Variants in PTPRA observed in about 807,000 individuals in gnomAD.
PTPRA encodes the protein protein tyrosine phosphatase receptor type A.
Under a neutral mutation model 104.8 loss-of-function variants are expected in PTPRA, and 25 were observed. The observed-to-expected ratio is 0.24, with a 90% CI of 0.17 to 0.33. The LOEUF (loss-of-function observed/expected upper bound fraction) is 0.33, where lower values mean the gene tolerates loss of function less well. PTPRA is among the 10% of genes least tolerant of loss of function. PTPRA has a pLI of 1.00. For synonymous variants in PTPRA, 323 were observed against 368.9 expected (o/e 0.88, Z 1.43); for missense variants, 765 against 1,015.3 (o/e 0.75, Z 3.35).
intron 2 of PTPRA, among the ~76,000 whole-genome samples, chr20:2,939,844 C>T (rs894327621): frequency 2.0e-5 from 3 of 152,158 alleles, no homozygotes; most frequent in African/African-American, 4.8e-5. Context: ...CGGTGGCTGA[C>T]GCCTACAATC....
At chr20:2,890,661 G>A (rs1187709038) in intron 1 of PTPRA, among the ~76,000 whole-genome samples, 1 of 152,098 alleles carries the variant, frequency 6.6e-6, no homozygotes, top group Non-Finnish European at 1.5e-5. Flanking sequence ...AGAGGGAAGA[G>A]AGAAAAAAGC....
At chr20:3,020,667 G>A (rs545148770) in intron 13 of PTPRA, among the ~76,000 whole-genome samples, 29 of 152,334 alleles carry the variant, frequency 1.9e-4, no homozygotes, top group African/African-American at 6.7e-4. Context: ...TCCTGGGGTC[G>A]AGCCCCAGCG....
At position 2,940,790 on chromosome 20, in the gene PTPRA, G is replaced by A. The variant is rs141503052; in HGVS notation, c.-49-7192G>A. On this transcript the variant is annotated intron_variant, in intron 2 of 23. Coordinates refer to ENST00000399903, the MANE Select transcript of PTPRA (RefSeq NM_001385305.1). ...TATATTGTCTGTGGCTGCCTTCATG[G>A]TACGACAGCAGAGTTGAGTAGTTGA... Among the ~76,000 whole-genome samples, 658 of 152,300 alleles carry A rather than the reference G, an allele frequency of 4.3e-3. 9 individuals carry two copies. The highest frequency in any genetic ancestry group is 0.015 in the African/African-American group (624 of 41,544).
At chr20:2,952,125 A>T (rs1435588993) in intron 3 of PTPRA, among the ~76,000 whole-genome samples, 1 of 145,428 alleles carries the variant, frequency 6.9e-6, no homozygotes, top group Non-Finnish European at 1.5e-5. Flanking sequence ...TCTCAAAAAA[A>T]GAAAAAAAAA....
chr20:2,874,101 T>C (rs1297070968), intron 1 of PTPRA, among the ~76,000 whole-genome samples: 1 of 151,976 alleles, frequency 6.6e-6, no homozygotes, highest in African/African-American at 2.4e-5. Flanking sequence ...TCAGGTCCAT[T>C]TAATGGGAGG....
At chr20:2,988,644 A>C (rs2063009080) in intron 9 of PTPRA, among the ~76,000 whole-genome samples, 170 bp downstream of exon 9, 1 of 152,230 alleles carries the variant, frequency 6.6e-6, no homozygotes, top group Admixed American at 6.5e-5. Context: ...ATAGGAAATG[A>C]AGTGAGATTT....
chr20:2,864,427 C>G, the PTPRA span: 1 of 1,614,144 alleles, frequency 6.2e-7, no homozygotes, highest in South Asian at 1.1e-5. The surrounding 1 kb of genome is among the most constrained non-coding windows in gnomAD (Gnocchi z 5.2). Context: ...CATGACCCTT[C>G]GGAATCAGCC....
rs554173288 is a variant in PTPRA at position 3,037,790 on chromosome 20, CTGTCTCCCAGCCCAGCACA to C, written c.2335-266_2335-248del. ...TAAGCGTGGGCCATGCTCAGCTGCA[CTGTCTCCCAGCCCAGCACA>C]TGCCTGTCTGACCTCTGTGGGGCCT... On this transcript the variant is annotated intron_variant, in intron 23 of 23. Coordinates refer to ENST00000399903, the MANE Select transcript of PTPRA (RefSeq NM_001385305.1). The surrounding 1 kb of genome is among the most constrained non-coding windows in gnomAD (Gnocchi z 4.3). Among the ~76,000 whole-genome samples the C allele has an allele frequency of 2.1e-4, 32 of 152,342 alleles. No individual in the cohort carries two copies. The South Asian group carries it at 2.5e-3, about 12-fold the overall frequency.
chr20:3,017,782 A>G lies in PTPRA; in HGVS notation c.944-34A>G, dbSNP rs201637065. The G allele has an allele frequency of 3.2e-6, 5 of 1,570,152 alleles. No individual in the cohort carries two copies. The East Asian group carries it at 6.7e-5, about 21-fold the overall frequency. ...CTCCCAGCATCTTTCTTCTTGGTGT[A>G]TATTCTCTTCATTTTTGCTGTTGGC... On this transcript the variant is annotated intron_variant, in intron 12 of 23. Coordinates refer to ENST00000399903, the MANE Select transcript of PTPRA (RefSeq NM_001385305.1).
chr20:2,898,596 G>T (rs933747125), intron 1 of PTPRA, among the ~76,000 whole-genome samples: 5 of 151,400 alleles, frequency 3.3e-5, no homozygotes, highest in Non-Finnish European at 7.4e-5. Context: ...GGTGGCTCAC[G>T]CCTATAATCC....
intron 6 of PTPRA, among the ~76,000 whole-genome samples, chr20:2,982,616 T>C (rs1600210820): frequency 6.6e-6 from 1 of 152,078 alleles, no homozygotes; most frequent in South Asian, 2.1e-4. Context: ...AAGTCAAATA[T>C]GTAATTATAA....
At chr20:2,989,525 G>T (rs2063060563) in intron 9 of PTPRA, among the ~76,000 whole-genome samples, 1 of 152,166 alleles carries the variant, frequency 6.6e-6, no homozygotes, top group African/African-American at 2.4e-5. Context: ...GAGCCTTCCA[G>T]CCACTGGAAA....
At chr20:2,876,032 C>T (rs1011367590) in intron 1 of PTPRA, among the ~76,000 whole-genome samples, 1 of 152,106 alleles carries the variant, frequency 6.6e-6, no homozygotes, top group Non-Finnish European at 1.5e-5. Flanking sequence ...CAGGTAAGGA[C>T]AATGGAGAGC....
intron 3 of PTPRA, among the ~76,000 whole-genome samples, chr20:2,953,919 T>C: frequency 7.2e-6 from 1 of 139,108 alleles, no homozygotes; most frequent in East Asian, 2.1e-4. Flanking sequence ...GTTTTTACTA[T>C]TTTTTTTTTT....
intron 11 of PTPRA, among the ~76,000 whole-genome samples, chr20:3,013,645 A>G (rs1231446817): frequency 6.6e-6 from 1 of 152,082 alleles, no homozygotes; most frequent in Non-Finnish European, 1.5e-5. Context: ...TCCCTACCTC[A>G]GGTGATCTGC....
intron 1 of PTPRA, among the ~76,000 whole-genome samples, chr20:2,910,331 TATA>T (rs1368781192): frequency 7.7e-6 from 1 of 129,542 alleles, no homozygotes; most frequent in Non-Finnish European, 1.6e-5. Flanking sequence ...ATATTTTATA[TATA>T]ATATATTTTG....
chr20:2,895,074 TA>T (rs1468604022), intron 1 of PTPRA, among the ~76,000 whole-genome samples: 1 of 151,964 alleles, frequency 6.6e-6, no homozygotes, highest in African/African-American at 2.4e-5. Context: ...TATTACTTGT[TA>T]TTTATTTATT....
At chr20:2,926,082 T>G (rs1260708444) in intron 2 of PTPRA, among the ~76,000 whole-genome samples, 1 of 152,220 alleles carries the variant, frequency 6.6e-6, no homozygotes, top group African/African-American at 2.4e-5. Flanking sequence ...ATGTATATGC[T>G]GTTTCTTCTT....
chr20:3,006,049 T>TG (rs922196024), intron 10 of PTPRA, among the ~76,000 whole-genome samples: 6 of 152,058 alleles, frequency 3.9e-5, no homozygotes, highest in African/African-American at 1.4e-4. Context: ...TTTGTAGAGA[T>TG]GGTCTTGCTG....
Sources: allele counts gnomAD v4.1 joint callset (sites outside exome capture counted in the v4.1 genomes callset), GRCh38; gene constraint gnomAD v4.1.1; non-coding constraint Gnocchi (gnomAD v3.1); transcripts MANE v1.5; gene names NCBI Gene and HGNC (gene_info 2026-07-23, HGNC 2026-07-21).